Variants in ASTN2 observed in about 807,000 individuals in gnomAD.
The protein encoded by ASTN2 is astrotactin 2.
In ASTN2, 54 loss-of-function variants were observed where a neutral mutation model predicts 139.8. The observed-to-expected ratio is 0.39, with a 90% CI of 0.31 to 0.48. The LOEUF (loss-of-function observed/expected upper bound fraction) is 0.48. Among genes scored for constraint, ASTN2 ranks in the 20% least tolerant of loss-of-function variants. The pLI is 0.95. For synonymous variants in ASTN2, 756 were observed against 719.5 expected, an observed-to-expected ratio of 1.05 and a Z score of -0.81; for missense variants, 1,565 against 1,725.1, an observed-to-expected ratio of 0.91 and a Z score of 1.64.
intron 17 of ASTN2, among the ~76,000 whole-genome samples, chr9:116,625,289 TC>T (rs1382608945): frequency 6.6e-6 from 1 of 152,052 alleles, no homozygotes; most frequent in Admixed American, 6.6e-5. Context: ...CAAAACTTAG[TC>T]AGGTGTGGTG....
chr9:117,311,119 G>T (rs549425571), intron 1 of ASTN2, among the ~76,000 whole-genome samples: 1 of 151,472 alleles, frequency 6.6e-6, no homozygotes, highest in Non-Finnish European at 1.5e-5. Context: ...TGCTTCTGGA[G>T]AACTCAATTT....
intron 1 of ASTN2, among the ~76,000 whole-genome samples, chr9:117,323,627 A>G (rs1007147227): frequency 2.0e-5 from 3 of 152,196 alleles, no homozygotes; most frequent in Admixed American, 6.5e-5. Flanking sequence ...GGGGCATGGA[A>G]GAGGCTCAAC....
chr9:116,861,723 G>A (rs1410540029), intron 11 of ASTN2, among the ~76,000 whole-genome samples: 1 of 152,164 alleles, frequency 6.6e-6, no homozygotes, highest in Admixed American at 6.5e-5. Flanking sequence ...ACCAGCAATT[G>A]GTGCAGGGAT....
intron 1 of ASTN2, among the ~76,000 whole-genome samples, chr9:117,403,080 G>T (rs570017658): frequency 6.6e-6 from 1 of 152,312 alleles, no homozygotes; most frequent in South Asian, 2.1e-4. Context: ...CTTCACAGAG[G>T]TTTTCTAGGT....
chr9:117,174,126 G>A (rs200183161), intron 3 of ASTN2, among the ~76,000 whole-genome samples: 2 of 37,446 alleles, frequency 5.3e-5, no homozygotes, highest in African/African-American at 2.1e-4. Context: ...TAGCTAACTA[G>A]ATAGATAGAT....
intron 3 of ASTN2, among the ~76,000 whole-genome samples, chr9:117,210,102 A>G (rs1031633173): frequency 1.3e-5 from 2 of 152,136 alleles, no homozygotes; most frequent in African/African-American, 2.4e-5. Flanking sequence ...ATATCAAAGA[A>G]CTAGAAAGAT....
chr9:117,037,765 GT>G (rs925750037), intron 6 of ASTN2, among the ~76,000 whole-genome samples: 18 of 152,264 alleles, frequency 1.2e-4, no homozygotes, highest in African/African-American at 4.3e-4. Context: ...TTGCTCTGTT[GT>G]TTTTTTCCAC....
rs144708436 is a variant in ASTN2, at chr9:116,893,706, C to T, written c.1890-29973G>A. 2.9e-3 allele frequency among the ~76,000 whole-genome samples: 441 copies of T among 152,218 alleles called. 3 individuals carry two copies. Among genetic ancestry groups the T allele is most frequent in the South Asian group, 5.4e-3 (26 of 4,822 alleles). ...CTCAACACCTCTCCCTCCCTCTCTCCTCTCTTCCCTCCTCACCTTAGTAAT... is the reference window on the plus strand; with the variant it reads ...CTCAACACCTCTCCCTCCCTCTCTCTTCTCTTCCCTCCTCACCTTAGTAAT... On this transcript the variant is annotated intron_variant, in intron 10 of 22. Coordinates refer to ENST00000313400, the MANE Select transcript of ASTN2 (RefSeq NM_001365068.1).
Position 116,978,495 on chromosome 9 carries a change from G to GCGCACACA in ASTN2, c.1592-1711_1592-1710insTGTGTGCG, listed in dbSNP as rs762311934. Among the ~76,000 whole-genome samples, 167 of 127,714 alleles carry GCGCACACA rather than the reference G, an allele frequency of 1.3e-3. 1 individual carries two copies. Among genetic ancestry groups the GCGCACACA allele is most frequent in the Non-Finnish European group, 2.5e-3 (147 of 58,182 alleles). 83.8% of individuals were successfully genotyped at this position (127,714 alleles called of 152,430 possible). A position where few individuals can be genotyped will look rare whatever the true frequency, so the allele number is the denominator to read the frequency against. On this transcript the variant is annotated intron_variant, in intron 7 of 22. Coordinates refer to ENST00000313400, the MANE Select transcript of ASTN2 (RefSeq NM_001365068.1). ...ATCTCTCTCTCTCTCTCTCTCTCAC[G>GCGCACACA]CACACACACACACACACACACACAC...
chr9:117,132,161 A>G (rs1048691401), intron 4 of ASTN2, among the ~76,000 whole-genome samples: 4 of 152,094 alleles, frequency 2.6e-5, no homozygotes, highest in African/African-American at 9.7e-5. Flanking sequence ...TTTTGGGCTC[A>G]ATCCAAAAAA....
At chr9:117,180,484 C>T (rs1831031023) in intron 3 of ASTN2, 1 of 581,876 alleles carries the variant, frequency 1.7e-6, no homozygotes, top group Non-Finnish European at 3.0e-6. Flanking sequence ...AGTTCTCATC[C>T]ACATCGTCAG....
chr9:116,957,474 T>A (rs1346940026), intron 10 of ASTN2, among the ~76,000 whole-genome samples: 1 of 152,248 alleles, frequency 6.6e-6, no homozygotes, highest in East Asian at 1.9e-4. Context: ...GTTCCACTAA[T>A]GTTTTTACAG....
At chr9:117,110,197 A>T (rs1829215495) in intron 4 of ASTN2, among the ~76,000 whole-genome samples, 1 of 152,156 alleles carries the variant, frequency 6.6e-6, no homozygotes, top group Non-Finnish European at 1.5e-5. Context: ...ATTTTCCTAA[A>T]TTGCTGCAAG....
intron 19 of ASTN2, among the ~76,000 whole-genome samples, chr9:116,548,071 C>T (rs976691219): frequency 7.3e-5 from 11 of 150,992 alleles, no homozygotes; most frequent in African/African-American, 2.4e-4. Flanking sequence ...TTAGCTCCCC[C>T]ACCCCAGGAT....
At chr9:116,606,323 A>G (rs920169942) in intron 19 of ASTN2, among the ~76,000 whole-genome samples, 6 of 152,156 alleles carry the variant, frequency 3.9e-5, no homozygotes, top group African/African-American at 1.4e-4. Context: ...GGGCAGGGGT[A>G]GGAGACAGGG....
At chr9:116,686,956 A>T (rs1411357769) in intron 16 of ASTN2, 2 of 1,472,962 alleles carry the variant, frequency 1.4e-6, no homozygotes, top group Non-Finnish European at 1.8e-6. Context: ...AAACAGATTC[A>T]GTAAGGTGCC....
chr9:117,150,228 C>G (rs917540026), intron 3 of ASTN2, among the ~76,000 whole-genome samples: 1 of 152,198 alleles, frequency 6.6e-6, no homozygotes, highest in Admixed American at 6.5e-5. Context: ...GTTCCATCAT[C>G]CTGTGTTCCT....
chr9:117,199,143 C>A (rs984135711), intron 3 of ASTN2, among the ~76,000 whole-genome samples: 1 of 152,154 alleles, frequency 6.6e-6, no homozygotes, highest in Non-Finnish European at 1.5e-5. Flanking sequence ...TAATTAGATA[C>A]CATTTGTCAA....
At chr9:117,042,744 G>A (rs1171570477) in intron 5 of ASTN2, among the ~76,000 whole-genome samples, 1 of 152,106 alleles carries the variant, frequency 6.6e-6, no homozygotes, top group African/African-American at 2.4e-5. Flanking sequence ...TGGACCAGGG[G>A]TTGGCACCTT....
Sources: gnomAD v4.1 joint callset for allele counts (sites outside exome capture counted in the v4.1 genomes callset) on GRCh38, gnomAD v4.1.1 for gene constraint, MANE v1.5 for transcripts, NCBI Gene and HGNC (gene_info 2026-07-23, HGNC 2026-07-21) for gene names.